The following RANBP2 variants were observed in gnomAD, a reference collection of about 807,000 sequenced individuals.
RANBP2 encodes the protein RAN binding protein 2.
RANBP2 carries 57 observed loss-of-function variants against 303.6 expected under a neutral mutation model. That is an observed-to-expected ratio of 0.19 (90% CI 0.15 to 0.23). The LOEUF (loss-of-function observed/expected upper bound fraction) is 0.23, where lower values mean the gene tolerates loss of function less well. Ranked by LOEUF, RANBP2 falls within the 10% of genes least tolerant of loss-of-function variation. The pLI is 1.00. For missense variants in RANBP2, 3,138 were observed against 3,780.8 expected (o/e 0.83, Z 4.46); for synonymous variants, 1,167 against 1,301.5 (o/e 0.90, Z 2.23).
chr2:109,600,801 A>G, the RANBP2 span, among the ~76,000 whole-genome samples: 1 of 152,178 alleles, frequency 6.6e-6, no homozygotes, highest in Non-Finnish European at 1.5e-5. Flanking sequence ...TTATTTTCCA[A>G]TGCTTCTAAC....
At chr2:109,615,693 G>A in the RANBP2 span, 2 of 1,613,990 alleles carry the variant, frequency 1.2e-6, no homozygotes, top group South Asian at 1.1e-5. Flanking sequence ...CGAGGGTGAC[G>A]GGGAAAGCGC....
chr2:108,852,581 A>G, the RANBP2 span, among the ~76,000 whole-genome samples: 2 of 152,220 alleles, frequency 1.3e-5, no homozygotes, highest in Admixed American at 6.5e-5. Flanking sequence ...ATTAAAAAGA[A>G]TGAGATTATG....
the RANBP2 span, among the ~76,000 whole-genome samples, chr2:109,218,019 A>G: frequency 6.6e-6 from 1 of 152,120 alleles, no homozygotes; most frequent in Non-Finnish European, 1.5e-5. Context: ...GCTTGGATGG[A>G]ACCAGGTGCC....
At chr2:109,703,708 C>T in the RANBP2 span, among the ~76,000 whole-genome samples, 2 of 152,254 alleles carry the variant, frequency 1.3e-5, no homozygotes, top group East Asian at 1.9e-4. Flanking sequence ...GGATTACACG[C>T]GTGAGCCACC....
At chr2:109,106,412 C>G in the RANBP2 span, among the ~76,000 whole-genome samples, 4 of 152,130 alleles carry the variant, frequency 2.6e-5, no homozygotes, top group African/African-American at 9.7e-5. Flanking sequence ...CTGTGCATCA[C>G]GATGCATCTA....
At chr2:108,892,463 A>G in the RANBP2 span, among the ~76,000 whole-genome samples, 503 of 152,138 alleles carry the variant, frequency 3.3e-3, 1 homozygote, top group African/African-American at 0.011. Flanking sequence ...AGCAGCAACA[A>G]TCTGGGTTTC....
the RANBP2 span, among the ~76,000 whole-genome samples, chr2:109,533,354 T>A: frequency 6.6e-6 from 1 of 152,212 alleles, no homozygotes; most frequent in Non-Finnish European, 1.5e-5. Context: ...GTTAGTGTGC[T>A]CTCTGTGTAT....
At chr2:109,737,383 A>G in the RANBP2 span, 1 of 665,620 alleles carries the variant, frequency 1.5e-6, no homozygotes, top group Admixed American at 2.4e-5. Flanking sequence ...GTTCACTTTG[A>G]TCCTTTCTTG....
the RANBP2 span, among the ~76,000 whole-genome samples, chr2:108,900,985 A>G: frequency 6.6e-6 from 1 of 152,196 alleles, no homozygotes; most frequent in African/African-American, 2.4e-5. Context: ...ATGATAGAAC[A>G]ATTAGAAAAA....
chr2:109,305,080 A>G, the RANBP2 span, among the ~76,000 whole-genome samples: 1 of 152,216 alleles, frequency 6.6e-6, no homozygotes, highest in Non-Finnish European at 1.5e-5. Context: ...ATTTGGGTCC[A>G]TGCTGTAAGA....
the RANBP2 span, among the ~76,000 whole-genome samples, chr2:108,953,316 C>CGTG: frequency 6.6e-6 from 1 of 152,126 alleles, no homozygotes; most frequent in Non-Finnish European, 1.5e-5. Context: ...CAAGACCCAC[C>CGTG]GGTAAACTTC....
chr2:109,696,382 T>C, the RANBP2 span, among the ~76,000 whole-genome samples: 40,541 of 152,238 alleles, frequency 0.27, 6,643 homozygotes, highest in Non-Finnish European at 0.36. Flanking sequence ...AGATTCCTTA[T>C]GGATATCTGA....
the RANBP2 span, among the ~76,000 whole-genome samples, chr2:109,447,640 C>T: frequency 1.6e-4 from 24 of 152,126 alleles, no homozygotes; most frequent in African/African-American, 5.6e-4. Flanking sequence ...CAGAACAACC[C>T]AGGACACAAG....
chr2:109,164,647 G>GA, the RANBP2 span, among the ~76,000 whole-genome samples: 1 of 152,066 alleles, frequency 6.6e-6, no homozygotes, highest in Non-Finnish European at 1.5e-5. Flanking sequence ...TTGGGAGGGG[G>GA]AAAAAAGAGC....
At chr2:109,428,164 G>T in the RANBP2 span, among the ~76,000 whole-genome samples, 2 of 152,332 alleles carry the variant, frequency 1.3e-5, no homozygotes, top group Admixed American at 1.3e-4. Context: ...GCGTGGCCCT[G>T]GGAGAAAAGT....
the RANBP2 span, among the ~76,000 whole-genome samples, chr2:108,819,664 C>A: frequency 6.6e-6 from 1 of 152,138 alleles, no homozygotes; most frequent in African/African-American, 2.4e-5. Flanking sequence ...GGTCCCAAAA[C>A]CTCTAACTGG....
At chr2:108,823,898 A>G in the RANBP2 span, among the ~76,000 whole-genome samples, 1 of 152,142 alleles carries the variant, frequency 6.6e-6, no homozygotes, top group East Asian at 1.9e-4. Flanking sequence ...AATTGCTTTA[A>G]CACGGGAGGC....
chr2:109,065,793 C>T, the RANBP2 span, among the ~76,000 whole-genome samples: 1 of 152,206 alleles, frequency 6.6e-6, no homozygotes, highest in South Asian at 2.1e-4. Context: ...CCGCGTCTTA[C>T]GAGCTGCTTG....
the RANBP2 span, chr2:108,929,330 G>T: frequency 6.2e-7 from 1 of 1,614,138 alleles, no homozygotes; most frequent in East Asian, 2.2e-5. Context: ...CTTCTCCGCC[G>T]GGCAGGGGAC....
Sources: allele counts gnomAD v4.1 joint callset (sites outside exome capture counted in the v4.1 genomes callset), GRCh38; gene constraint gnomAD v4.1.1; transcripts MANE v1.5; gene names NCBI Gene and HGNC (gene_info 2026-07-23, HGNC 2026-07-21).